The following CKAP2L variants were observed in gnomAD, a reference collection of about 807,000 sequenced individuals.
The protein encoded by CKAP2L is cytoskeleton associated protein 2L.
CKAP2L carries 42 observed loss-of-function variants against 65.7 expected under a neutral mutation model. That is an observed-to-expected ratio of 0.64 (90% CI 0.50 to 0.83). CKAP2L has a LOEUF of 0.83. CKAP2L is among the 40% of genes least tolerant of loss of function. CKAP2L has a pLI of 0.00. For synonymous variants in CKAP2L, 325 were observed against 313.5 expected (o/e 1.04, Z -0.39); for missense variants, 908 against 871.0 (o/e 1.04, Z -0.53).
At chr2:112,761,472 A>T (rs1680719135) in intron 2 of CKAP2L, among the ~76,000 whole-genome samples, 1 of 151,676 alleles carries the variant, frequency 6.6e-6, no homozygotes, top group Admixed American at 6.6e-5. Context: ...AAAAAAAAAA[A>T]AAAAAAAAAA....
Position 112,756,615 on chromosome 2 carries a change from C to G in CKAP2L, c.756G>C (p.Arg252Ser), listed in dbSNP as rs545818608. The change falls in exon 4 of 9, where the codon AGG becomes AGC. Residue 252 changes from arginine (R) to serine (S), a missense_variant. Physicochemically the swap from Arg to Ser is moderately radical, Grantham distance 110. Coordinates refer to ENST00000302450, the MANE Select transcript of CKAP2L (RefSeq NM_152515.5). ...GTTGCTGTGATTTTACTGGGAAAGT[C>G]CTGCTTTGTGTTTCTCCAACAAATT... ...NKQFVGETQS[R>S]TFPVKSQQLS... is the part of the protein sequence containing the mutation. 6.2e-6 allele frequency: 10 copies of G among 1,612,786 alleles called. No homozygotes were observed. The East Asian group carries it at 6.7e-5, about 11-fold the overall frequency.
chr2:112,746,861 C>T (rs769176522), intron 5 of CKAP2L, among the ~76,000 whole-genome samples: 15 of 151,642 alleles, frequency 9.9e-5, no homozygotes, highest in Non-Finnish European at 2.2e-4. Context: ...GATCTCGGTT[C>T]ACTGCAACCT....
chr2:112,757,846 A>T (rs1021978193), intron 3 of CKAP2L, among the ~76,000 whole-genome samples: 3 of 152,202 alleles, frequency 2.0e-5, no homozygotes, highest in Non-Finnish European at 4.4e-5. Context: ...TTATATCCTA[A>T]GTGCCCTCCA....
rs1679376967 is a variant in CKAP2L at position 112,737,502 on chromosome 2, C to T, written c.*1321G>A. 1 of 152,116 alleles carries T rather than the reference C, an allele frequency of 6.6e-6. No individual in the cohort carries two copies. Among genetic ancestry groups the T allele is most frequent in the Non-Finnish European group, 1.5e-5 (1 of 68,010 alleles). The allele number at this position is 152,116 out of a possible 1,614,324, so 9.4% of individuals were successfully genotyped here. Reference sequence around the variant, plus strand: ...TGCTGAACACCTTTTCATATCTATACCTACTGGCCATTTCTTATGTCTTCT... The same window carrying T: ...TGCTGAACACCTTTTCATATCTATATCTACTGGCCATTTCTTATGTCTTCT... On this transcript the variant is annotated 3_prime_UTR_variant, in exon 9 of 9. Transcript: ENST00000302450.
Position 112,752,296 on chromosome 2 carries a change from G to T in CKAP2L, c.1573C>A (p.Leu525Met). ...LELSSKINNT[L>M]TECLNLIEGG... ...TCGATGAGGTTCAGACATTCTGTCA[G>T]AGTGTTGTTAATTTTACTGGACAGT... The change falls in exon 5 of 9, where the codon CTG becomes ATG. Residue 525 changes from leucine to methionine, a missense_variant. Coordinates refer to ENST00000302450, the MANE Select transcript of CKAP2L (RefSeq NM_152515.5). 6.2e-7 allele frequency: 1 copy of T among 1,613,912 alleles called. No individual in the cohort carries two copies.
At chr2:112,761,549 T>G (rs1344580018) in intron 2 of CKAP2L, among the ~76,000 whole-genome samples, 2 of 130,920 alleles carry the variant, frequency 1.5e-5, no homozygotes, top group Non-Finnish European at 3.3e-5. Context: ...AAAGAAATAT[T>G]AAAAAAAAAA....
At chr2:112,750,774 A>ATTCAGAG (rs1165013252) in intron 5 of CKAP2L, among the ~76,000 whole-genome samples, 2 of 151,834 alleles carry the variant, frequency 1.3e-5, no homozygotes, top group African/African-American at 4.9e-5. Context: ...AATCTGCTAT[A>ATTCAGAG]GCACTGAACA....
chr2:112,763,283 T>C (rs1680787909), intron 1 of CKAP2L, among the ~76,000 whole-genome samples: 1 of 152,160 alleles, frequency 6.6e-6, no homozygotes, highest in South Asian at 2.1e-4. Context: ...AGAATTTCTG[T>C]TACTGGCCCA....
rs1680537461 is a variant in CKAP2L at position 112,756,422 on chromosome 2, T to TA, written c.948dup (p.Lys317Ter). The TA allele has an allele frequency of 6.2e-7, 1 of 1,613,932 alleles. No individual in the cohort carries two copies. Among genetic ancestry groups the TA allele is most frequent in the South Asian group, 1.1e-5 (1 of 91,066 alleles). On this transcript the variant is annotated frameshift_variant, in exon 4 of 9. Coordinates refer to ENST00000302450, the MANE Select transcript of CKAP2L (RefSeq NM_152515.5). LOFTEE classifies it high-confidence loss of function. ...TCAGTAACAGGGTATGACCGTATCT[T>TA]AGTTTCATTTGGTCTTTCATATTGA... is the stretch of plus-strand genomic sequence containing the variant.
chr2:112,759,633 C>T (rs911865621), intron 3 of CKAP2L, among the ~76,000 whole-genome samples: 1 of 152,154 alleles, frequency 6.6e-6, no homozygotes, highest in Non-Finnish European at 1.5e-5. Flanking sequence ...CTGGTTCAAT[C>T]TGCATAAAGT....
rs766058804 is a variant in CKAP2L, at chr2:112,756,905, C to G, written c.466G>C (p.Asp156His). The G allele has an allele frequency of 2.5e-6, 4 of 1,613,976 alleles. No individual in the cohort carries two copies. The highest frequency in any genetic ancestry group is 1.1e-5 in the South Asian group (1 of 91,022). Residue 156 changes from aspartate to histidine, a missense_variant, in exon 4 of 9, where the codon GAT (aspartate) becomes CAT (histidine). By Grantham distance (81) the Asp-to-His change is moderately conservative. Transcript: ENST00000302450. ...TCTATACATTTACCATTTCCTTGAT[C>G]TGTTAACTGCTGCTTTGTAGTTTTC... is the stretch of plus-strand genomic sequence containing the variant. Reference protein sequence around the residue: ...QLKTTKQQLTDQGNGKCIDFM... With the variant: ...QLKTTKQQLTHQGNGKCIDFM...
chr2:112,739,162 T>C, intron 8 of CKAP2L, 114 bp from the exon 9 acceptor site: 2 of 811,302 alleles, frequency 2.5e-6, no homozygotes, highest in Non-Finnish European at 3.9e-6. Flanking sequence ...CATAGGGTGA[T>C]ACAAGAGATA....
In CKAP2L at chr2:112,752,493, G is replaced by A. The variant is rs774300239; in HGVS notation, c.1395-19C>T. ...TTGTTTCCTGAAATTCAATTAAAGG[G>A]AGAGTGGTTTTATTTATTTTTAAAC... On this transcript the variant is annotated intron_variant, in intron 4 of 8. Coordinates refer to ENST00000302450, the MANE Select transcript of CKAP2L (RefSeq NM_152515.5). 6 of 1,492,374 alleles carry A rather than the reference G, an allele frequency of 4.0e-6. No individual in the cohort carries two copies. Among genetic ancestry groups the A allele is most frequent in the Non-Finnish European group, 4.6e-6 (5 of 1,084,150 alleles). The allele number at this position is 1,492,374 out of a possible 1,614,324, so 92.4% of individuals were successfully genotyped here.
At chr2:112,747,574 A>T (rs888997682) in intron 5 of CKAP2L, among the ~76,000 whole-genome samples, 1 of 152,186 alleles carries the variant, frequency 6.6e-6, no homozygotes, top group Admixed American at 6.5e-5. Flanking sequence ...TTTGAAATGG[A>T]TTCACTGGTT....
Position 112,762,585 on chromosome 2 carries a change from G to C in CKAP2L, c.38-16C>G. ...TGCCGCTCTTCTGCAACACAGGCAAGCAAACAAACGACATAACTTTAGTTC... is the reference window on the plus strand; with the variant it reads ...TGCCGCTCTTCTGCAACACAGGCAACCAAACAAACGACATAACTTTAGTTC... On this transcript the variant is annotated splice_polypyrimidine_tract_variant and intron_variant, in intron 1 of 8. Coordinates refer to ENST00000302450, the MANE Select transcript of CKAP2L (RefSeq NM_152515.5). The C allele has an allele frequency of 1.9e-6, 3 of 1,602,684 alleles. No individual in the cohort carries two copies. In the East Asian group the frequency reaches 6.7e-5, roughly 36 times the overall value.
chr2:112,759,582 G>A (rs754625113), intron 3 of CKAP2L, among the ~76,000 whole-genome samples: 23 of 152,112 alleles, frequency 1.5e-4, no homozygotes, highest in Non-Finnish European at 7.4e-5. Flanking sequence ...CTGAATGAGG[G>A]CCCTTTCCAG....
rs1049855572 is a variant in CKAP2L, at chr2:112,756,738, A to G, written c.633T>C (p.Thr211=). The change falls in exon 4 of 9, where the codon ACT becomes ACC. Residue 211 remains threonine (T), a synonymous_variant. Transcript: ENST00000302450. ...PKLYTRSKPK[T]DSYNQTKNSL... ...TGTTCTTGGTTTGATTATAAGAGTC[A>G]GTCTTTGGCTTACTTCTGGTATATA... 1.9e-6 allele frequency: 3 copies of G among 1,597,240 alleles called. No individual in the cohort carries two copies. The highest frequency in any genetic ancestry group is 1.4e-5 in the African/African-American group (1 of 73,646).
chr2:112,760,116 G>T (rs180714110), intron 3 of CKAP2L, among the ~76,000 whole-genome samples: 1 of 152,194 alleles, frequency 6.6e-6, no homozygotes, highest in East Asian at 1.9e-4. Context: ...TCTTTCAGAG[G>T]GCTAATTTCT....
At position 112,740,823 on chromosome 2, in the gene CKAP2L, G is replaced by A; in HGVS notation, c.2007C>T (p.Ile669=). ...CTGCTTTAGAGTTTGCTTACCTAGG[G>A]ATTGGACCAATCTGTAATTTGATAC... ...YPGIKLQIGP[I]PRINGMPEVQ... Residue 669 remains isoleucine (I), a synonymous_variant, in exon 8 of 9, where the codon ATC becomes ATT. Transcript: ENST00000302450. 6.2e-7 allele frequency: 1 copy of A among 1,608,384 alleles called. No individual in the cohort carries two copies. The highest frequency in any genetic ancestry group is 8.5e-7 in the Non-Finnish European group (1 of 1,175,466).
Sources: gnomAD v4.1 joint callset for allele counts (sites outside exome capture counted in the v4.1 genomes callset) on GRCh38, gnomAD v4.1.1 for gene constraint, MANE v1.5 for transcripts, NCBI Gene and HGNC (gene_info 2026-07-23, HGNC 2026-07-21) for gene names.